The following ZFPM2 variants were observed in gnomAD, a reference collection of about 807,000 sequenced individuals.
ZFPM2 encodes zinc finger protein, FOG family member 2.
A neutral mutation model predicts 98.6 loss-of-function variants in ZFPM2; 20 were observed. That is an observed-to-expected ratio of 0.20 (90% CI 0.14 to 0.29). ZFPM2 has a LOEUF of 0.29. Among genes scored for constraint, ZFPM2 ranks in the 10% least tolerant of loss-of-function variants. ZFPM2 has a pLI of 1.00. For missense variants in ZFPM2, 1,310 were observed against 1,388.6 expected (o/e 0.94, Z 0.90); for synonymous variants, 518 against 502.7 (o/e 1.03, Z -0.41).
At chr8:105,540,390 A>G (rs530373330) in intron 3 of ZFPM2, among the ~76,000 whole-genome samples, 4 of 152,128 alleles carry the variant, frequency 2.6e-5, no homozygotes, top group African/African-American at 9.7e-5. Context: ...AACCTGCTTC[A>G]TATGGTTTTT....
intron 4 of ZFPM2, among the ~76,000 whole-genome samples, chr8:105,629,419 T>A (rs538204296): frequency 6.6e-6 from 1 of 152,356 alleles, no homozygotes; most frequent in Non-Finnish European, 1.5e-5. Flanking sequence ...TTTGAGCACA[T>A]TTGATAAGAA....
chr8:105,424,497 G>A (rs1811866451), intron 2 of ZFPM2, among the ~76,000 whole-genome samples: 1 of 152,090 alleles, frequency 6.6e-6, no homozygotes, highest in Non-Finnish European at 1.5e-5. Flanking sequence ...GATATATGGT[G>A]TAACAATGGA....
intron 4 of ZFPM2, among the ~76,000 whole-genome samples, chr8:105,606,905 G>A (rs774286883): frequency 2.0e-4 from 31 of 152,088 alleles, no homozygotes; most frequent in Admixed American, 1.0e-3. Context: ...TTGTTTGCTT[G>A]CTTTTGGTGG....
chr8:105,338,344 A>G (rs1269840079), intron 1 of ZFPM2, among the ~76,000 whole-genome samples: 1 of 151,760 alleles, frequency 6.6e-6, no homozygotes, highest in Non-Finnish European at 1.5e-5. Context: ...TAGGTCAGGC[A>G]CCTGAAAGAC....
rs561006336 is a variant in ZFPM2, at chr8:105,706,580, T to C, written c.532+72223T>C. 3.3e-5 allele frequency among the ~76,000 whole-genome samples: 5 copies of C among 152,252 alleles called. No individual in the cohort carries two copies. The East Asian group carries it at 9.7e-4, about 30-fold the overall frequency. On this transcript the variant is annotated intron_variant, in intron 5 of 7. Transcript: ENST00000407775. Reference sequence around the variant, plus strand: ...AATAACTGATGATTCCTCTTGTTTCTTGTTTTTGGGTTTTTTTTGGAAATA... The same window carrying C: ...AATAACTGATGATTCCTCTTGTTTCCTGTTTTTGGGTTTTTTTTGGAAATA...
At chr8:105,495,686 G>A (rs1813452505) in intron 3 of ZFPM2, among the ~76,000 whole-genome samples, 1 of 151,992 alleles carries the variant, frequency 6.6e-6, no homozygotes, top group Non-Finnish European at 1.5e-5. Flanking sequence ...TTTTATTGTG[G>A]GTGCCCTTTT....
At position 105,801,147 on chromosome 8, in the gene ZFPM2, C is replaced by T. The variant is rs1477238316; in HGVS notation, c.1065C>T (p.Phe355=). The change falls in exon 8 of 8, where the codon TTC becomes TTT. Residue 355 remains phenylalanine (F), a synonymous_variant. Coordinates refer to ENST00000407775, the MANE Select transcript of ZFPM2 (RefSeq NM_012082.4). ...TGATCAACTTTCACCAACACCTGTT[C>T]TCCCATCTCACTCAAGCTGCCTTCC... is the stretch of plus-strand genomic sequence containing the variant. ...DSVINFHQHL[F]SHLTQAAFRC... 1 of 1,613,966 alleles carries T rather than the reference C, an allele frequency of 6.2e-7. No individual in the cohort carries two copies. The highest frequency in any genetic ancestry group is 8.5e-7 in the Non-Finnish European group (1 of 1,179,876).
chr8:105,599,104 A>G (rs1398988649), intron 4 of ZFPM2, among the ~76,000 whole-genome samples: 1 of 152,084 alleles, frequency 6.6e-6, no homozygotes, highest in Non-Finnish European at 1.5e-5. Context: ...TCATTGGGGG[A>G]GCTGCTTCAG....
At chr8:105,758,686 C>A (rs1208113930) in intron 5 of ZFPM2, among the ~76,000 whole-genome samples, 3 of 151,994 alleles carry the variant, frequency 2.0e-5, no homozygotes, top group African/African-American at 7.3e-5. Flanking sequence ...TTAAATAGAT[C>A]TTTAATAATT....
intron 1 of ZFPM2, among the ~76,000 whole-genome samples, chr8:105,320,255 T>TG (rs1278530846): frequency 1.2e-4 from 16 of 133,104 alleles, no homozygotes; most frequent in Non-Finnish European, 2.1e-4. Context: ...TATTCAGATC[T>TG]TTGTGTGTGT....
At chr8:105,699,203 TAATA>T (rs1811087289) in intron 5 of ZFPM2, among the ~76,000 whole-genome samples, 1 of 152,198 alleles carries the variant, frequency 6.6e-6, no homozygotes, top group Non-Finnish European at 1.5e-5. Flanking sequence ...TTTTCCTTTG[TAATA>T]AATGGAGGGT....
chr8:105,337,996 A>G (rs1231169261), intron 1 of ZFPM2, among the ~76,000 whole-genome samples: 2 of 151,776 alleles, frequency 1.3e-5, no homozygotes, highest in Non-Finnish European at 2.9e-5. Flanking sequence ...CTCTACATTC[A>G]TTAGGATGAC....
At chr8:105,377,147 G>T (rs531082686) in intron 1 of ZFPM2, among the ~76,000 whole-genome samples, 1 of 152,070 alleles carries the variant, frequency 6.6e-6, no homozygotes, top group South Asian at 2.1e-4. Flanking sequence ...TTCTTATCAC[G>T]TAAGTCCCAT....
chr8:105,378,409 G>C (rs2129853351), intron 1 of ZFPM2, among the ~76,000 whole-genome samples: 1 of 152,226 alleles, frequency 6.6e-6, no homozygotes, highest in African/African-American at 2.4e-5. Flanking sequence ...ACTCTCAGAA[G>C]GTTTTGCCCC....
intron 4 of ZFPM2, among the ~76,000 whole-genome samples, chr8:105,571,657 A>G (rs928632965): frequency 9.9e-5 from 15 of 152,232 alleles, no homozygotes; most frequent in African/African-American, 3.6e-4. Flanking sequence ...ATGAGGACTT[A>G]GCATCAATCT....
At chr8:105,476,450 C>T (rs1016021336) in intron 3 of ZFPM2, among the ~76,000 whole-genome samples, 1 of 152,102 alleles carries the variant, frequency 6.6e-6, no homozygotes, top group Non-Finnish European at 1.5e-5. Context: ...AGTTTCATCC[C>T]GGAACCATCC....
chr8:105,501,932 C>T (rs1813604619), intron 3 of ZFPM2, among the ~76,000 whole-genome samples: 1 of 152,056 alleles, frequency 6.6e-6, no homozygotes, highest in Admixed American at 6.6e-5. Context: ...TTCAACAGAA[C>T]ATTAATATAT....
At chr8:105,640,167 T>A (rs2130849654) in intron 5 of ZFPM2, among the ~76,000 whole-genome samples, 1 of 152,142 alleles carries the variant, frequency 6.6e-6, no homozygotes, top group South Asian at 2.1e-4. Flanking sequence ...AATGAAGAAG[T>A]TGGGATTCAA....
chr8:105,320,142 C>T (rs961562544), intron 1 of ZFPM2, among the ~76,000 whole-genome samples: 3 of 151,962 alleles, frequency 2.0e-5, no homozygotes, highest in African/African-American at 7.3e-5. Context: ...CGCCCCACCC[C>T]CAAATGTTGA....
Sources: allele counts gnomAD v4.1 joint callset (sites outside exome capture counted in the v4.1 genomes callset), GRCh38; gene constraint gnomAD v4.1.1; transcripts MANE v1.5; gene names NCBI Gene and HGNC (gene_info 2026-07-23, HGNC 2026-07-21).